The following BTRC variants were observed in gnomAD, a reference collection of about 807,000 sequenced individuals.
The protein encoded by BTRC is beta-transducin repeat containing E3 ubiquitin protein ligase.
BTRC carries 42 observed loss-of-function variants against 85.5 expected under a neutral mutation model. The ratio of observed to expected loss-of-function variants is 0.49; its 90% CI spans 0.38 to 0.64. The LOEUF (loss-of-function observed/expected upper bound fraction) is 0.64. BTRC is among the 30% of genes least tolerant of loss of function. The pLI is 0.00. For synonymous variants in BTRC, 255 were observed against 263.3 expected, an observed-to-expected ratio of 0.97 and a Z score of 0.30; for missense variants, 594 against 743.5, an observed-to-expected ratio of 0.80 and a Z score of 2.34.
chr10:101,423,317 A>G (rs1944158694), intron 1 of BTRC, among the ~76,000 whole-genome samples: 1 of 152,198 alleles, frequency 6.6e-6, no homozygotes, highest in South Asian at 2.1e-4. Flanking sequence ...TTAGACTGAC[A>G]AAGCTAACTA....
At chr10:101,441,879 C>A (rs1373048816) in intron 2 of BTRC, among the ~76,000 whole-genome samples, 850 of 85,646 alleles carry the variant, frequency 9.9e-3, no homozygotes, top group African/African-American at 0.012. Flanking sequence ...GAGACTGTCT[C>A]AAAAAAAAAA....
intron 4 of BTRC, among the ~76,000 whole-genome samples, chr10:101,504,665 A>C (rs1946474255): frequency 2.7e-5 from 4 of 147,480 alleles, no homozygotes; most frequent in Admixed American, 6.8e-5. Context: ...CTGCTTTCCC[A>C]TTTTCCCCCT....
chr10:101,467,651 A>C (rs1352316764), intron 3 of BTRC, among the ~76,000 whole-genome samples: 1 of 151,846 alleles, frequency 6.6e-6, no homozygotes, highest in African/African-American at 2.4e-5. Flanking sequence ...ACTCTATAAA[A>C]CTTGCTACCT....
At chr10:101,517,479 G>A in intron 4 of BTRC, among the ~76,000 whole-genome samples, 1 of 152,132 alleles carries the variant, frequency 6.6e-6, no homozygotes, top group East Asian at 1.9e-4. Flanking sequence ...GCCTTGAAAT[G>A]AATTATCTAA....
rs772948540 is a variant in BTRC, at chr10:101,535,381, G to C, written c.1375G>C (p.Val459Leu). Residue 459 changes from valine (V) to leucine (L), a missense_variant, in exon 11 of 15, where the codon GTA becomes CTA. By Grantham distance (32) the Val-to-Leu change is conservative (BLOSUM62 1). This residue lies in a region of BTRC where 373 missense variants were observed against 503.6 expected (regional missense o/e 0.74). Coordinates refer to ENST00000370187, the MANE Select transcript of BTRC (RefSeq NM_033637.4). ...ATGGAACACAAGTACTTGTGAATTT[G>C]TAAGGACCTTAAATGGACACAAACG... ...KVWNTSTCEF[V>L]RTLNGHKRGI... 6.2e-7 allele frequency: 1 copy of C among 1,613,930 alleles called. No individual in the cohort carries two copies. The highest frequency in any genetic ancestry group is 1.3e-5 in the African/African-American group (1 of 75,032).
At chr10:101,388,881 A>T (rs1291070813) in intron 1 of BTRC, among the ~76,000 whole-genome samples, 1 of 152,190 alleles carries the variant, frequency 6.6e-6, no homozygotes, top group East Asian at 1.9e-4. Flanking sequence ...TGACCTTTAG[A>T]CAAGTCTTTT....
At chr10:101,362,802 T>C (rs1299219669) in intron 1 of BTRC, among the ~76,000 whole-genome samples, 3 of 152,188 alleles carry the variant, frequency 2.0e-5, no homozygotes, top group African/African-American at 4.8e-5. Flanking sequence ...CAACCATTGA[T>C]TGAAAATATT....
intron 1 of BTRC, among the ~76,000 whole-genome samples, chr10:101,378,147 C>G (rs1047781862): frequency 1.3e-5 from 2 of 151,976 alleles, no homozygotes; most frequent in African/African-American, 4.8e-5. Flanking sequence ...AAGGCTTTCC[C>G]TTGAGTAATA....
intron 4 of BTRC, among the ~76,000 whole-genome samples, chr10:101,485,391 T>C (rs990533986): frequency 2.6e-5 from 4 of 152,244 alleles, no homozygotes; most frequent in African/African-American, 9.6e-5. Context: ...TTTTTAAGCC[T>C]GAAGTCCAGC....
intron 14 of BTRC, among the ~76,000 whole-genome samples, chr10:101,552,039 C>A (rs11597334): frequency 0.013 from 2,051 of 152,142 alleles, 25 homozygotes; most frequent in Non-Finnish European, 0.019. Flanking sequence ...CCAAAATTTT[C>A]TCTTCCTTAG....
intron 2 of BTRC, among the ~76,000 whole-genome samples, chr10:101,443,115 C>G (rs1214511881): frequency 1.3e-5 from 2 of 152,038 alleles, no homozygotes; most frequent in East Asian, 3.8e-4. Context: ...ATCTCCTGAC[C>G]TCGTGATCCG....
rs74152874 is a variant in BTRC at position 101,379,019 on chromosome 10, C to T, written c.48+24791C>T. Among the ~76,000 whole-genome samples, 674 of 152,264 alleles carry T rather than the reference C, an allele frequency of 4.4e-3. 9 individuals carry two copies. Among genetic ancestry groups the T allele is most frequent in the African/African-American group, 0.015 (640 of 41,548 alleles). ...AATGACAACTTACAAGATCTCTTTC[C>T]TTCCTTCTCTCTTGGAATGTTGACT... On this transcript the variant is annotated intron_variant, in intron 1 of 14. Transcript: ENST00000370187.
intron 4 of BTRC, among the ~76,000 whole-genome samples, chr10:101,519,037 C>T (rs2062063173): frequency 1.4e-5 from 2 of 147,630 alleles, no homozygotes; most frequent in South Asian, 4.3e-4. Context: ...GGACTGAGTT[C>T]TCATCTGGAA....
chr10:101,374,984 C>G (rs1448606049), intron 1 of BTRC, among the ~76,000 whole-genome samples: 1 of 152,044 alleles, frequency 6.6e-6, no homozygotes, highest in Non-Finnish European at 1.5e-5. Context: ...GCTACAGAGG[C>G]CAGGTGCTGC....
chr10:101,447,468 G>A (rs1282855008), intron 2 of BTRC, among the ~76,000 whole-genome samples: 1 of 152,094 alleles, frequency 6.6e-6, no homozygotes, highest in East Asian at 1.9e-4. Flanking sequence ...CCACAAGAGG[G>A]TATTTTGGCA....
At chr10:101,385,429 GGATA>G (rs1943044629) in intron 1 of BTRC, among the ~76,000 whole-genome samples, 1 of 150,094 alleles carries the variant, frequency 6.7e-6, no homozygotes, top group South Asian at 2.1e-4. Context: ...CTTGGATGAA[GGATA>G]GATGAGATGA....
intron 12 of BTRC, 141 bp downstream of exon 12, chr10:101,536,794 TC>T: frequency 3.4e-6 from 2 of 588,084 alleles, no homozygotes; most frequent in South Asian, 5.4e-5. Flanking sequence ...ATTTCTTTAA[TC>T]CGTGTATTTA....
chr10:101,370,134 T>G (rs1346265844), intron 1 of BTRC, among the ~76,000 whole-genome samples: 1 of 152,218 alleles, frequency 6.6e-6, no homozygotes, highest in African/African-American at 2.4e-5. Context: ...TTTGTTTGTT[T>G]TGAGACAAGG....
intron 3 of BTRC, among the ~76,000 whole-genome samples, chr10:101,469,348 C>T (rs1001390803): frequency 2.0e-5 from 3 of 152,086 alleles, no homozygotes; most frequent in African/African-American, 4.8e-5. Context: ...AGTCATTTAC[C>T]CATTTTACAG....
Sources: gnomAD v4.1 joint callset for allele counts (sites outside exome capture counted in the v4.1 genomes callset) on GRCh38, gnomAD v4.1.1 for gene constraint, gnomAD v4.1.1 regional missense constraint, MANE v1.5 for transcripts, NCBI Gene and HGNC (gene_info 2026-07-23, HGNC 2026-07-21) for gene names.